CRLF1: variants seen among roughly 807,000 people sequenced by gnomAD.
CRLF1 encodes cytokine receptor like factor 1.
CRLF1 carries 36 observed loss-of-function variants against 48.9 expected under a neutral mutation model. That is an observed-to-expected ratio of 0.74 (90% confidence interval 0.56 to 0.97). The LOEUF (loss-of-function observed/expected upper bound fraction) is 0.97. Ranked by LOEUF, CRLF1 falls within the 50% of genes least tolerant of loss-of-function variation. The pLI, the probability that CRLF1 is intolerant of heterozygous loss-of-function variation, is 0.00. For missense variants in CRLF1, 534 were observed against 575.1 expected (o/e 0.93, Z 0.73); for synonymous variants, 256 against 253.4 (o/e 1.01, Z -0.10).
chr19:18,600,695 T>G (rs1976210129), intron 1 of CRLF1, among the ~76,000 whole-genome samples: 1 of 152,094 alleles, frequency 6.6e-6, no homozygotes, highest in African/African-American at 2.4e-5. Flanking sequence ...GAGACGGGGT[T>G]TCACCATATT....
In CRLF1 at chr19:18,593,440, G is replaced by C; in HGVS notation, c.*126C>G. The stretch of plus-strand genomic sequence containing the variant: ...GAGCTGTTATGGCCGTTGGAGCTCA[G>C]GGGCCACCCCAGCTCCTGCTGAGGG... On this transcript the variant is annotated 3_prime_UTR_variant, in exon 9 of 9. Transcript: ENST00000392386. 1 of 1,397,476 alleles carries C rather than the reference G, an allele frequency of 7.2e-7. No individual in the cohort carries two copies. The highest frequency in any genetic ancestry group is 2.1e-5 in the Admixed American group (1 of 46,972). The allele number at this position is 1,397,476 out of a possible 1,614,324, so 86.6% of individuals were successfully genotyped here. A position where few individuals can be genotyped will look rare whatever the true frequency, so the allele number is the denominator to read the frequency against.
chr19:18,603,947 G>A (rs567094190), intron 1 of CRLF1, among the ~76,000 whole-genome samples: 3 of 152,218 alleles, frequency 2.0e-5, no homozygotes, highest in Non-Finnish European at 2.9e-5. Context: ...GCAGCCAGCC[G>A]CCCGCTAATT....
chr19:18,598,472 A>G lies in CRLF1; in HGVS notation c.657T>C (p.Ser219=). 1 of 1,614,158 alleles carries G rather than the reference A, an allele frequency of 6.2e-7. No individual in the cohort carries two copies. The highest frequency in any genetic ancestry group is 1.3e-5 in the African/African-American group (1 of 75,066). ...CCAGCGTGAGTACATCGGAGCGGGC[A>G]GAGCCCAGGCGGTTGGTGGCCTCCA... ...IWVEATNRLG[S]ARSDVLTLDI... The change falls in exon 4 of 9, where the codon TCT becomes TCC. Residue 219 remains serine, a synonymous_variant. Transcript: ENST00000392386.
At position 18,599,553 on chromosome 19, in the gene CRLF1, G is replaced by C; in HGVS notation, c.397+12C>G. 2 of 1,611,980 alleles carry C rather than the reference G, an allele frequency of 1.2e-6. No homozygotes were observed. The highest frequency in any genetic ancestry group is 1.1e-5 in the South Asian group (1 of 91,012). ...AAGAGCTACCCCTGGGGTGTCCTGG[G>C]TGCCAACTTACGGCCAACATAGAGG... On this transcript the variant is annotated intron_variant, in intron 2 of 8. Coordinates refer to ENST00000392386, the MANE Select transcript of CRLF1 (RefSeq NM_004750.5).
chr19:18,605,941 C>A (rs1369533608), intron 1 of CRLF1, among the ~76,000 whole-genome samples: 2 of 152,150 alleles, frequency 1.3e-5, no homozygotes, highest in African/African-American at 4.8e-5. Context: ...TGGCTGAAAA[C>A]GGTTCTAAGC....
intron 1 of CRLF1, among the ~76,000 whole-genome samples, chr19:18,600,361 A>T (rs1193262734): frequency 7.1e-6 from 1 of 140,454 alleles, no homozygotes; most frequent in Non-Finnish European, 1.5e-5. Flanking sequence ...ACCATGCCTG[A>T]CTAACTTTTG....
rs370811634 is a variant in CRLF1, at chr19:18,598,514, C to T, written c.615G>A (p.Thr205=). Residue 205 remains threonine (T), a synonymous_variant, in exon 4 of 9, where the codon ACG becomes ACA. Coordinates refer to ENST00000392386, the MANE Select transcript of CRLF1 (RefSeq NM_004750.5). The part of the protein sequence containing the change: ...CHIPKDLALF[T]PYEIWVEATN... ...TGGCCTCCACCCAGATCTCATAGGG[C>T]GTAAAGAGAGCCAGGTCCTTGGGGA... The T allele has an allele frequency of 3.7e-6, 6 of 1,613,960 alleles. No individual in the cohort carries two copies. The highest frequency in any genetic ancestry group is 1.7e-5 in the Admixed American group (1 of 60,002).
intron 7 of CRLF1, 48 bp from the exon 8 acceptor site, chr19:18,594,155 G>A: frequency 6.3e-7 from 1 of 1,591,416 alleles, no homozygotes. Flanking sequence ...GCAGACCTGC[G>A]TCCACAGCCT....
rs1194882215 is a variant in CRLF1, at chr19:18,596,748, C to T, written c.898G>A (p.Gly300Ser). 1.3e-5 allele frequency: 21 copies of T among 1,613,912 alleles called. No homozygotes were observed. Among genetic ancestry groups the T allele is most frequent in the Non-Finnish European group, 1.6e-5 (19 of 1,180,010 alleles). ...AAGTACACGGTGCCGGGTTTCAGGC[C>T]GGCCAGGCGGCAGGAGGTCTGGTTG... Reference protein sequence around the residue: ...VSNQTSCRLAGLKPGTVYFVQ... With the variant: ...VSNQTSCRLASLKPGTVYFVQ... The change falls in exon 6 of 9, where the codon GGC becomes AGC. Residue 300 changes from glycine to serine, a missense_variant. This residue lies in a region of CRLF1 where 528 missense variants were observed against 555.7 expected (regional missense o/e 0.95). Coordinates refer to ENST00000392386, the MANE Select transcript of CRLF1 (RefSeq NM_004750.5).
intron 6 of CRLF1, among the ~76,000 whole-genome samples, chr19:18,595,479 G>A (rs1365719567): frequency 6.6e-6 from 1 of 152,192 alleles, no homozygotes; most frequent in Non-Finnish European, 1.5e-5. Flanking sequence ...TGGTCTTCCC[G>A]GTGAACTAAG....
intron 4 of CRLF1, among the ~76,000 whole-genome samples, chr19:18,597,465 T>TGTC (rs1332423653): frequency 1.1e-5 from 1 of 88,532 alleles, no homozygotes; most frequent in Non-Finnish European, 2.1e-5. Context: ...AGTCTCGCTC[T>TGTC]GTCGCCCAGG....
chr19:18,601,106 T>G (rs1434032614), intron 1 of CRLF1, among the ~76,000 whole-genome samples: 1 of 152,202 alleles, frequency 6.6e-6, no homozygotes, highest in Non-Finnish European at 1.5e-5. Context: ...GTGCCTAGCC[T>G]TCTTTATTTT....
chr19:18,594,035 C>CT, intron 8 of CRLF1, 30 bp downstream of exon 8: 7 of 555,786 alleles, frequency 1.3e-5, no homozygotes, highest in East Asian at 5.9e-5. Context: ...CCCTTGCTCC[C>CT]TCCCGCCCAC....
Position 18,599,787 on chromosome 19 carries a change from T to C in CRLF1, c.175A>G (p.Thr59Ala), listed in dbSNP as rs1261694233. 1.3e-6 allele frequency: 2 copies of C among 1,582,898 alleles called. No individual in the cohort carries two copies. The highest frequency in any genetic ancestry group is 8.6e-7 in the Non-Finnish European group (1 of 1,161,638). ...TLLIGSSLLA[T>A]CSVHGDPPGA... ...GGTGGGTCTCCGTGCACTGAGCAGG[T>C]GGCCAGCAGGGAGGAGCCGATGAGA... Residue 59 changes from threonine (T) to alanine (A), a missense_variant, in exon 2 of 9, where the codon ACC becomes GCC. By Grantham distance (58) the Thr-to-Ala change is moderately conservative. Around this residue, in one of 2 missense-constraint regions of CRLF1, gnomAD observed 528 missense variants for 555.7 expected, o/e 0.95. Coordinates refer to ENST00000392386, the MANE Select transcript of CRLF1 (RefSeq NM_004750.5).
intron 1 of CRLF1, among the ~76,000 whole-genome samples, chr19:18,604,095 A>G (rs973850302): frequency 6.6e-6 from 1 of 152,148 alleles, no homozygotes; most frequent in African/African-American, 2.4e-5. Flanking sequence ...CAGCCCTTCT[A>G]GAGTGGGTCT....
In CRLF1 at chr19:18,596,721, C is replaced by CG; in HGVS notation, c.924dup (p.Val309ArgfsTer21). The CG allele has an allele frequency of 6.2e-7, 1 of 1,614,042 alleles. No homozygotes were observed. Among genetic ancestry groups the CG allele is most frequent in the South Asian group, 1.1e-5 (1 of 91,076 alleles). ...CCAAAGGGGTTGCAGCGCACTTGCACGAAGTACACGGTGCCGGGTTTCAGG... is the reference window on the plus strand; with the variant it reads ...CCAAAGGGGTTGCAGCGCACTTGCACGGAAGTACACGGTGCCGGGTTTCAGG... On this transcript the variant is annotated frameshift_variant, in exon 6 of 9. Transcript: ENST00000392386. LOFTEE classifies it high-confidence loss of function.
Position 18,596,521 on chromosome 19 carries a change from G to A in CRLF1, c.1024+101C>T, listed in dbSNP as rs975149305. On this transcript the variant is annotated intron_variant, in intron 6 of 8. Coordinates refer to ENST00000392386, the MANE Select transcript of CRLF1 (RefSeq NM_004750.5). ...CACCACTATGCGACAGAATGAGGCC[G>A]TGTCTCAAAAGAAAAAAAAAAGAAA... The A allele has an allele frequency of 2.7e-5, 38 of 1,394,078 alleles. No individual in the cohort carries two copies. In the African/African-American group the frequency reaches 3.6e-4, roughly 13 times the overall value. The allele number at this position is 1,394,078 out of a possible 1,614,324, so 86.4% of individuals were successfully genotyped here. A position where few individuals can be genotyped will look rare whatever the true frequency, so the allele number is the denominator to read the frequency against.
At chr19:18,600,053 G>A (rs1976199861) in intron 1 of CRLF1, among the ~76,000 whole-genome samples, 1 of 152,142 alleles carries the variant, frequency 6.6e-6, no homozygotes, top group Non-Finnish European at 1.5e-5. Context: ...AGTTGTCCAG[G>A]TCTGTCTGAC....
intron 8 of CRLF1, 36 bp downstream of exon 8, chr19:18,594,029 T>TTCGTTGG: frequency 7.3e-7 from 1 of 1,366,648 alleles, no homozygotes; most frequent in Non-Finnish European, 1.0e-6. Flanking sequence ...GCCCTCCCCT[T>TTCGTTGG]GCTCCCTCCC....
Sources: allele counts gnomAD v4.1 joint callset (sites outside exome capture counted in the v4.1 genomes callset), GRCh38; gene constraint gnomAD v4.1.1; regional missense constraint gnomAD v4.1.1; transcripts MANE v1.5; gene names NCBI Gene and HGNC (gene_info 2026-07-23, HGNC 2026-07-21).